Variants in FUT6 observed in about 807,000 individuals in gnomAD.
FUT6 encodes the protein fucosyltransferase 6, also known as 4-galactosyl-N-acetylglucosaminide 3-alpha-L-fucosyltransferase FUT6.
For missense variants in FUT6, 454 were observed against 494.6 expected (o/e 0.92, Z 0.78); for synonymous variants, 187 against 209.9 (o/e 0.89, Z 0.94).
intron 1 of FUT6, among the ~76,000 whole-genome samples, chr19:5,836,032 G>A (rs192934379): frequency 6.6e-6 from 1 of 151,966 alleles, no homozygotes; most frequent in African/African-American, 2.4e-5. Context: ...GGGACTACAA[G>A]TGTGCACCAT....
intron 1 of FUT6, among the ~76,000 whole-genome samples, chr19:5,837,422 T>C (rs754035675): frequency 2.0e-5 from 3 of 151,230 alleles, no homozygotes; most frequent in Non-Finnish European, 4.4e-5. Flanking sequence ...AAATGCACAC[T>C]AGATTGCCAA....
chr19:5,831,596 C>A lies in FUT6; in HGVS notation c.972G>T (p.Thr324=). The change falls in exon 3 of 3, where the codon ACG becomes ACT. Residue 324 remains threonine (T), a synonymous_variant. Transcript: ENST00000318336. The surrounding 1 kb of genome is among the most constrained non-coding windows in gnomAD (Gnocchi z 7.0). The part of the protein sequence containing the change: ...RYLSYFRWRE[T]LRPRSFSWAL... ...CCCAGCTGAAGGAGCGAGGCCGCAG[C>A]GTCTCCCGCCAGCGAAAGTAGCTCA... is the stretch of plus-strand genomic sequence containing the variant. 6.2e-7 allele frequency: 1 copy of A among 1,614,026 alleles called. No homozygotes were observed. Among genetic ancestry groups the A allele is most frequent in the Non-Finnish European group, 8.5e-7 (1 of 1,179,998 alleles).
At chr19:5,833,942 G>C (rs1366749319) in intron 2 of FUT6, among the ~76,000 whole-genome samples, 1 of 151,964 alleles carries the variant, frequency 6.6e-6, no homozygotes, top group African/African-American at 2.4e-5. Flanking sequence ...GACCAGCGTG[G>C]TCAACATGGA....
chr19:5,835,356 C>T (rs1199806464), intron 1 of FUT6, among the ~76,000 whole-genome samples: 1 of 152,200 alleles, frequency 6.6e-6, no homozygotes, highest in African/African-American at 2.4e-5. Context: ...ACCTATGTGT[C>T]CTGCTGAGTA....
chr19:5,835,732 C>T (rs1447037340), intron 1 of FUT6, among the ~76,000 whole-genome samples: 2 of 152,138 alleles, frequency 1.3e-5, no homozygotes, highest in African/African-American at 4.8e-5. Context: ...GAGATTGCAC[C>T]ATTGCCCTCC....
chr19:5,835,020 G>C lies in FUT6; in HGVS notation c.-83C>G, dbSNP rs771882408. ...GATGCTAGAGGGACTCGGGGATCTG[G>C]AGACAGGCCTTTCTTCTAAAAGAGG... On this transcript the variant is annotated 5_prime_UTR_variant, in exon 2 of 3. Coordinates refer to ENST00000318336, the MANE Select transcript of FUT6 (RefSeq NM_000150.4). The C allele has an allele frequency of 1.3e-5, 2 of 152,202 alleles. No individual in the cohort carries two copies. The highest frequency in any genetic ancestry group is 2.9e-5 in the Non-Finnish European group (2 of 68,072). The allele number at this position is 152,202 out of a possible 1,614,324, so 9.4% of individuals were successfully genotyped here.
At chr19:5,833,405 C>T (rs1412987560) in intron 2 of FUT6, among the ~76,000 whole-genome samples, 1 of 150,694 alleles carries the variant, frequency 6.6e-6, no homozygotes, top group Non-Finnish European at 1.5e-5. Context: ...AGGAGAATTG[C>T]TTGAACCTGG....
intron 1 of FUT6, among the ~76,000 whole-genome samples, chr19:5,837,293 C>T (rs1201270374): frequency 6.6e-6 from 1 of 151,848 alleles, no homozygotes; most frequent in African/African-American, 2.4e-5. Context: ...CCACCTCAGC[C>T]TCCCAAAGTG....
rs778686214 is a variant in FUT6 at position 5,831,911 on chromosome 19, G to A, written c.657C>T (p.Asp219=). ...YQSLQAHLKV[D]VYGRSHKPLP... Reference sequence around the variant, plus strand: ...GGGGCTTGTGGGAGCGTCCGTACACGTCCACCTTGAGATGGGCCTGCAGGC... The same window carrying A: ...GGGGCTTGTGGGAGCGTCCGTACACATCCACCTTGAGATGGGCCTGCAGGC... The change falls in exon 3 of 3, where the codon GAC becomes GAT. Residue 219 remains aspartate, a synonymous_variant. Transcript: ENST00000318336. The surrounding 1 kb of genome is among the most constrained non-coding windows in gnomAD (Gnocchi z 7.0). The A allele has an allele frequency of 6.2e-6, 10 of 1,613,774 alleles. No individual in the cohort carries two copies. The highest frequency in any genetic ancestry group is 1.7e-5 in the Admixed American group (1 of 60,000).
At position 5,839,631 on chromosome 19, in the gene FUT6, T is replaced by A. The variant is rs1277574482; in HGVS notation, c.-1095A>T. 6.6e-6 allele frequency: 1 copy of A among 152,272 alleles called. No individual in the cohort carries two copies. The highest frequency in any genetic ancestry group is 1.5e-5 in the Non-Finnish European group (1 of 68,110). The allele number at this position is 152,272 out of a possible 1,614,324, so 9.4% of individuals were successfully genotyped here. A position where few individuals can be genotyped will look rare whatever the true frequency, so the allele number is the denominator to read the frequency against. On this transcript the variant is annotated 5_prime_UTR_variant, in exon 1 of 3. It adds an upstream start codon to the 5' untranslated region. Coordinates refer to ENST00000318336, the MANE Select transcript of FUT6 (RefSeq NM_000150.4). ...GCCCCTCTGTGTGCCTCAAAGCCAC[T>A]TCCTTTCCCCACCCACTCCTGCAGG...
rs1260508927 is a variant in FUT6 at position 5,831,359 on chromosome 19, G to A, written c.*129C>T. On this transcript the variant is annotated 3_prime_UTR_variant, in exon 3 of 3. Transcript: ENST00000318336. This position sits in a 1 kb window ranked among gnomAD's most constrained non-coding sequence, Gnocchi z 7.0. ...GCAGGTGAAGCTGCAACAGGTGACC[G>A]TCCCAGGCAGGTGAGTCCTCAGGCA... The A allele has an allele frequency of 3.1e-6, 5 of 1,605,696 alleles. No individual in the cohort carries two copies. The highest frequency in any genetic ancestry group is 4.5e-5 in the East Asian group (2 of 44,858).
At position 5,830,473 on chromosome 19, in the gene FUT6, C is replaced by G. The variant is rs924294547; in HGVS notation, c.*1015G>C. ...TTCTTGAGACAGTCTCACTGTGTCG[C>G]CCAGGTTGGAGTGCAGTGGTGCGAT... is the stretch of plus-strand genomic sequence containing the variant. On this transcript the variant is annotated 3_prime_UTR_variant, in exon 3 of 3. Coordinates refer to ENST00000318336, the MANE Select transcript of FUT6 (RefSeq NM_000150.4). The G allele has an allele frequency of 1.3e-5, 2 of 151,570 alleles. No homozygotes were observed. The highest frequency in any genetic ancestry group is 2.9e-5 in the Non-Finnish European group (2 of 68,022). The allele number at this position is 151,570 out of a possible 1,614,324, so 9.4% of individuals were successfully genotyped here.
Position 5,831,706 on chromosome 19 carries a change from C to T in FUT6, c.862G>A (p.Ala288Thr), listed in dbSNP as rs1312302278. Reference sequence around the variant, plus strand: ...TGGAAGTCGTCCACGTGGATGAAGGCGTCGGGTGGCAGGAACCTCTCGTAG... The same window carrying T: ...TGGAAGTCGTCCACGTGGATGAAGGTGTCGGGTGGCAGGAACCTCTCGTAG... ...SNYERFLPPD[A>T]FIHVDDFQSP... The change falls in exon 3 of 3, where the codon GCC (alanine) becomes ACC (threonine). Residue 288 changes from alanine to threonine, a missense_variant. Physicochemically the swap from Ala to Thr is moderately conservative, Grantham distance 58. Transcript: ENST00000318336. This position sits in a 1 kb window ranked among gnomAD's most constrained non-coding sequence, Gnocchi z 7.0. 6.8e-6 allele frequency: 11 copies of T among 1,611,262 alleles called. No individual in the cohort carries two copies. The highest frequency in any genetic ancestry group is 2.7e-5 in the African/African-American group (2 of 74,774).
rs571938720 is a variant in FUT6, at chr19:5,831,695, G to A, written c.873C>T (p.His291=). ...ERFLPPDAFI[H]VDDFQSPKDL... is the part of the protein sequence containing the mutation. Reference sequence around the variant, plus strand: ...CCTTGGGGCTCTGGAAGTCGTCCACGTGGATGAAGGCGTCGGGTGGCAGGA... The same window carrying A: ...CCTTGGGGCTCTGGAAGTCGTCCACATGGATGAAGGCGTCGGGTGGCAGGA... The change falls in exon 3 of 3, where the codon CAC becomes CAT. Residue 291 remains histidine (H), a synonymous_variant. Transcript: ENST00000318336. This position sits in a 1 kb window ranked among gnomAD's most constrained non-coding sequence, Gnocchi z 7.0. The A allele has an allele frequency of 1.1e-5, 17 of 1,611,642 alleles. No homozygotes were observed. Among genetic ancestry groups the A allele is most frequent in the South Asian group, 7.7e-5 (7 of 90,994 alleles).
intron 1 of FUT6, among the ~76,000 whole-genome samples, chr19:5,837,322 G>A (rs1026459889): frequency 6.6e-6 from 1 of 151,614 alleles, no homozygotes; most frequent in African/African-American, 2.4e-5. Context: ...ACAGGCATGA[G>A]TCACCACGCC....
At position 5,830,599 on chromosome 19, in the gene FUT6, AT is replaced by A. The variant is rs59768885; in HGVS notation, c.*888del. On this transcript the variant is annotated 3_prime_UTR_variant, in exon 3 of 3. Transcript: ENST00000318336. ...AGGCACCGGCCACCGCACCCAGCTA[AT>A]TTTTTTTTTTTTTTTTTTTTTTTTT... The A allele has an allele frequency of 0.033, 2,057 of 62,570 alleles. 14 individuals carry two copies. The highest frequency in any genetic ancestry group is 0.054 in the East Asian group (95 of 1,750). 3.9% of individuals were successfully genotyped at this position (62,570 alleles called of 1,614,324 possible). A position where few individuals can be genotyped will look rare whatever the true frequency, so the allele number is the denominator to read the frequency against.
chr19:5,833,539 A>G (rs138026647), intron 2 of FUT6, among the ~76,000 whole-genome samples: 4,340 of 150,916 alleles, frequency 0.029, 72 homozygotes, highest in Middle Eastern at 0.11. Context: ...GCTCATGCCT[A>G]TAATCCTAGC....
In FUT6 at chr19:5,831,279, G is replaced by T; in HGVS notation, c.*209C>A. ...GTAAGGGACATACCTGGCCACCGAAGACTCCAGCAGGTGAGGCCCCAGGAA... is the reference window on the plus strand; with the variant it reads ...GTAAGGGACATACCTGGCCACCGAATACTCCAGCAGGTGAGGCCCCAGGAA... On this transcript the variant is annotated 3_prime_UTR_variant, in exon 3 of 3. Transcript: ENST00000318336. This position sits in a 1 kb window ranked among gnomAD's most constrained non-coding sequence, Gnocchi z 7.0. 8.8e-7 allele frequency: 1 copy of T among 1,132,948 alleles called. No homozygotes were observed. 70.2% of individuals were successfully genotyped at this position (1,132,948 alleles called of 1,614,324 possible).
In FUT6 at chr19:5,831,719, G is replaced by A; in HGVS notation, c.849C>T (p.Phe283=). The A allele has an allele frequency of 5.0e-6, 8 of 1,611,560 alleles. No homozygotes were observed. The highest frequency in any genetic ancestry group is 6.8e-6 in the Non-Finnish European group (8 of 1,178,886). ...CGTGGATGAAGGCGTCGGGTGGCAGGAACCTCTCGTAGTTGCTTCTGCTGG... is the reference window on the plus strand; with the variant it reads ...CGTGGATGAAGGCGTCGGGTGGCAGAAACCTCTCGTAGTTGCTTCTGCTGG... ...LGPSRSNYER[F]LPPDAFIHVD... The change falls in exon 3 of 3, where the codon TTC becomes TTT. Residue 283 remains phenylalanine, a synonymous_variant. Coordinates refer to ENST00000318336, the MANE Select transcript of FUT6 (RefSeq NM_000150.4). This position sits in a 1 kb window ranked among gnomAD's most constrained non-coding sequence, Gnocchi z 7.0.
Sources: allele counts gnomAD v4.1 joint callset (sites outside exome capture counted in the v4.1 genomes callset), GRCh38; gene constraint gnomAD v4.1.1; non-coding constraint Gnocchi (gnomAD v3.1); transcripts MANE v1.5; gene names NCBI Gene and HGNC (gene_info 2026-07-23, HGNC 2026-07-21).